KIF6: variants seen among roughly 807,000 people sequenced by gnomAD.
The protein encoded by KIF6 is kinesin family member 6.
In KIF6, 106 loss-of-function variants were observed where a neutral mutation model predicts 112.7. The observed-to-expected ratio is 0.94, with a 90% CI of 0.80 to 1.11. The LOEUF (loss-of-function observed/expected upper bound fraction) is 1.11. Among genes scored for constraint, KIF6 ranks in the 50% least tolerant of loss-of-function variants. KIF6 has a pLI of 0.00. For missense variants in KIF6, 929 were observed against 964.0 expected (o/e 0.96, Z 0.48); for synonymous variants, 339 against 339.9 (o/e 1.00, Z 0.03).
intron 10 of KIF6, 144 bp downstream of exon 10, chr6:39,577,912 C>T (rs1781058588): frequency 1.0e-5 from 6 of 584,422 alleles, no homozygotes; most frequent in South Asian, 9.6e-5. Context: ...AAAGCCGCCA[C>T]TCTTAACTGG....
chr6:39,644,810 G>A (rs1031623264), intron 3 of KIF6, among the ~76,000 whole-genome samples: 1 of 152,126 alleles, frequency 6.6e-6, no homozygotes, highest in Non-Finnish European at 1.5e-5. Context: ...AAATGTTTTA[G>A]TATTTGAATT....
intron 3 of KIF6, among the ~76,000 whole-genome samples, chr6:39,698,124 C>T (rs1788664931): frequency 6.6e-6 from 1 of 152,138 alleles, no homozygotes; most frequent in Non-Finnish European, 1.5e-5. Flanking sequence ...TCAGTTTTTA[C>T]ATATCAACAT....
At chr6:39,574,763 A>G (rs1042066909) in intron 10 of KIF6, among the ~76,000 whole-genome samples, 1 of 152,138 alleles carries the variant, frequency 6.6e-6, no homozygotes, top group Non-Finnish European at 1.5e-5. Context: ...TCTCCTCACC[A>G]ACACCTATTC....
rs1781807809 is a variant in KIF6, at chr6:39,589,375, T to A, written c.847-2971A>T. On this transcript the variant is annotated intron_variant, in intron 7 of 22. Transcript: ENST00000287152. ...ATTATATTTAGGTACTTATTTGTTA[T>A]CTGCTTCCCCTCTAGGCTTTCTGCT... 2.0e-5 allele frequency among the ~76,000 whole-genome samples: 3 copies of A among 152,238 alleles called. No homozygotes were observed. In the South Asian group the frequency reaches 6.2e-4, roughly 31 times the overall value.
intron 3 of KIF6, among the ~76,000 whole-genome samples, chr6:39,704,470 T>C (rs1789067412): frequency 6.6e-6 from 1 of 151,908 alleles, no homozygotes; most frequent in Non-Finnish European, 1.5e-5. Context: ...AATACAAAAT[T>C]AGCAGGGTGG....
intron 13 of KIF6, among the ~76,000 whole-genome samples, chr6:39,461,806 T>C (rs921432050): frequency 1.4e-4 from 21 of 152,318 alleles, no homozygotes; most frequent in Admixed American, 3.9e-4. Context: ...TGTATCTGTA[T>C]TGACAAAACC....
At chr6:39,670,698 T>C (rs573401126) in intron 3 of KIF6, among the ~76,000 whole-genome samples, 40 of 152,202 alleles carry the variant, frequency 2.6e-4, no homozygotes, top group Admixed American at 3.9e-4. Context: ...TACTTTGGTT[T>C]ATTGACTTTA....
intron 6 of KIF6, among the ~76,000 whole-genome samples, chr6:39,597,083 G>T (rs1394661501): frequency 6.6e-6 from 1 of 152,044 alleles, no homozygotes; most frequent in Non-Finnish European, 1.5e-5. Context: ...ATGGTGTGCA[G>T]GATATTAATG....
intron 10 of KIF6, among the ~76,000 whole-genome samples, chr6:39,559,291 AT>A (rs200986659): frequency 7.9e-5 from 12 of 150,948 alleles, no homozygotes; most frequent in African/African-American, 2.4e-4. Context: ...AATCTGCTAA[AT>A]TTTTTTTTTA....
chr6:39,352,422 C>A (rs1426373669), intron 19 of KIF6, among the ~76,000 whole-genome samples: 2 of 152,178 alleles, frequency 1.3e-5, no homozygotes, highest in African/African-American at 4.8e-5. Context: ...CCCTGTGCTC[C>A]ATCTATTCAT....
In KIF6 at chr6:39,332,263, G is replaced by GT. The variant is rs1371038909; in HGVS notation, c.*4268dup. 1 of 151,978 alleles carries GT rather than the reference G, an allele frequency of 6.6e-6. No individual in the cohort carries two copies. Among genetic ancestry groups the GT allele is most frequent in the Non-Finnish European group, 1.5e-5 (1 of 68,000 alleles). 9.4% of individuals were successfully genotyped at this position (151,978 alleles called of 1,614,324 possible). A position where few individuals can be genotyped will look rare whatever the true frequency, so the allele number is the denominator to read the frequency against. On this transcript the variant is annotated 3_prime_UTR_variant, in exon 23 of 23. Coordinates refer to ENST00000287152, the MANE Select transcript of KIF6 (RefSeq NM_145027.6). ...CACCCGGCCTCTATTTCTATTGATG[G>GT]TTTTTTCTCCTCTCATGGCCCATAT...
chr6:39,335,842 G>A lies in KIF6; in HGVS notation c.*690C>T, dbSNP rs1013779256. On this transcript the variant is annotated 3_prime_UTR_variant, in exon 23 of 23. Coordinates refer to ENST00000287152, the MANE Select transcript of KIF6 (RefSeq NM_145027.6). ...TGCCCTCTCTCAAGCTCTCAGCAGA[G>A]CCCCTGGGAGCTGCCCACTGTTCTC... 2.6e-5 allele frequency: 4 copies of A among 152,356 alleles called. No homozygotes were observed. Among genetic ancestry groups the A allele is most frequent in the African/African-American group, 9.6e-5 (4 of 41,458 alleles). The allele number at this position is 152,356 out of a possible 1,614,324, so 9.4% of individuals were successfully genotyped here. A position where few individuals can be genotyped will look rare whatever the true frequency, so the allele number is the denominator to read the frequency against.
chr6:39,575,060 T>G (rs780402387), intron 10 of KIF6, among the ~76,000 whole-genome samples: 18 of 152,178 alleles, frequency 1.2e-4, no homozygotes, highest in Admixed American at 2.6e-4. Flanking sequence ...CTAAAGATAT[T>G]AATCACTTTG....
chr6:39,657,367 A>C (rs2150804143), intron 3 of KIF6, among the ~76,000 whole-genome samples: 1 of 152,290 alleles, frequency 6.6e-6, no homozygotes, highest in African/African-American at 2.4e-5. Context: ...AAGGAAGAGA[A>C]GTGTAGAGAG....
At chr6:39,581,403 C>A (rs1781289082) in intron 9 of KIF6, among the ~76,000 whole-genome samples, 1 of 151,840 alleles carries the variant, frequency 6.6e-6, no homozygotes, top group Non-Finnish European at 1.5e-5. Flanking sequence ...GTGATCCACC[C>A]ACTCGGCCTC....
chr6:39,523,261 C>A (rs758117079), intron 13 of KIF6, among the ~76,000 whole-genome samples: 1 of 152,202 alleles, frequency 6.6e-6, no homozygotes, highest in Non-Finnish European at 1.5e-5. Flanking sequence ...CTTATAATTA[C>A]GTAGCTTGAC....
chr6:39,697,678 C>A (rs952771197), intron 3 of KIF6, among the ~76,000 whole-genome samples: 5 of 151,766 alleles, frequency 3.3e-5, no homozygotes, highest in African/African-American at 1.2e-4. Context: ...AAGTAGCTGG[C>A]ATCACAGGCA....
intron 3 of KIF6, among the ~76,000 whole-genome samples, chr6:39,643,600 T>G (rs1185675461): frequency 6.6e-6 from 1 of 152,178 alleles, no homozygotes; most frequent in Non-Finnish European, 1.5e-5. Context: ...AAATGATCCT[T>G]GGACAACTGG....
intron 3 of KIF6, among the ~76,000 whole-genome samples, chr6:39,658,846 C>T (rs1785960311): frequency 6.6e-6 from 1 of 152,038 alleles, no homozygotes; most frequent in Non-Finnish European, 1.5e-5. Context: ...CTTGAATGCA[C>T]AAAAAAGACC....
Sources: allele counts gnomAD v4.1 joint callset (sites outside exome capture counted in the v4.1 genomes callset), GRCh38; gene constraint gnomAD v4.1.1; transcripts MANE v1.5; gene names NCBI Gene and HGNC (gene_info 2026-07-23, HGNC 2026-07-21).